Variants in ADGRV1 observed in about 807,000 individuals in gnomAD.
ADGRV1 encodes the protein adhesion G protein-coupled receptor V1, also known as G-protein coupled receptor 98.
A neutral mutation model predicts 596.2 loss-of-function variants in ADGRV1; 359 were observed. That is an observed-to-expected ratio of 0.60 (90% CI 0.55 to 0.66). The LOEUF (loss-of-function observed/expected upper bound fraction) is 0.66. Among genes scored for constraint, ADGRV1 ranks in the 30% least tolerant of loss-of-function variants. The pLI, the probability that ADGRV1 is intolerant of heterozygous loss-of-function variation, is 0.00. For missense variants in ADGRV1, 7,274 were observed against 7,575.6 expected (o/e 0.96, Z 1.48); for synonymous variants, 2,681 against 2,679.2 (o/e 1.00, Z -0.02).
intron 85 of ADGRV1, among the ~76,000 whole-genome samples, chr5:91,060,368 A>ATGTGTG (rs1481100763): frequency 2.6e-5 from 2 of 77,570 alleles, no homozygotes; most frequent in African/African-American, 8.7e-5. Flanking sequence ...GCAATTTTAT[A>ATGTGTG]TGTGTGTGTG....
chr5:90,689,332 C>CTTTTT (rs34756274), intron 29 of ADGRV1, among the ~76,000 whole-genome samples: 25 of 104,414 alleles, frequency 2.4e-4, no homozygotes, highest in African/African-American at 4.6e-4. Context: ...CCCCACCCAC[C>CTTTTT]TTTTTTTTTT....
At chr5:91,029,335 C>A (rs1014123821) in intron 85 of ADGRV1, among the ~76,000 whole-genome samples, 1 of 152,164 alleles carries the variant, frequency 6.6e-6, no homozygotes, top group Admixed American at 6.5e-5. Flanking sequence ...TAAACTATTA[C>A]TTTCATGTCA....
chr5:90,927,368 G>C (rs550337665), intron 83 of ADGRV1, among the ~76,000 whole-genome samples: 135 of 152,192 alleles, frequency 8.9e-4, no homozygotes, highest in Non-Finnish European at 1.3e-3. Context: ...TTGTTGAATT[G>C]ATCCCTTTAC....
intron 89 of ADGRV1, among the ~76,000 whole-genome samples, chr5:91,162,108 A>G (rs903913826): frequency 3.3e-5 from 5 of 152,236 alleles, no homozygotes; most frequent in Admixed American, 3.3e-4. Flanking sequence ...AGTGGAATAC[A>G]GAACAGACCA....
intron 66 of ADGRV1, 146 bp downstream of exon 66, chr5:90,783,471 G>A (rs183795701): frequency 3.1e-6 from 2 of 650,944 alleles, no homozygotes; most frequent in African/African-American, 3.6e-5. Flanking sequence ...GGTACTAGGG[G>A]TAGGGAAAGA....
chr5:91,067,766 T>C (rs1183666310), intron 85 of ADGRV1, among the ~76,000 whole-genome samples: 1 of 152,200 alleles, frequency 6.6e-6, no homozygotes. Flanking sequence ...TTCATCAGTA[T>C]CTGAATTTGT....
At chr5:90,978,410 A>G (rs1380489453) in intron 84 of ADGRV1, among the ~76,000 whole-genome samples, 1 of 152,168 alleles carries the variant, frequency 6.6e-6, no homozygotes, top group Admixed American at 6.6e-5. Context: ...TTGGGAGTTC[A>G]GCCAAATCGA....
chr5:91,108,448 T>C (rs1468248601), intron 87 of ADGRV1, among the ~76,000 whole-genome samples: 1 of 112,678 alleles, frequency 8.9e-6, no homozygotes, highest in Non-Finnish European at 1.8e-5. Context: ...ATTATTATGA[T>C]GTCATAGGTG....
chr5:90,963,079 A>G lies in ADGRV1; in HGVS notation c.17857-2336A>G, dbSNP rs78364310. ...ATAACAACCTACATAAGTTGATTAG[A>G]ACAAAACTACGAAGTAAACTTCAAC... On this transcript the variant is annotated intron_variant, in intron 83 of 89. Coordinates refer to ENST00000405460, the MANE Select transcript of ADGRV1 (RefSeq NM_032119.4). Among the ~76,000 whole-genome samples, 42 of 152,316 alleles carry G rather than the reference A, an allele frequency of 2.8e-4. No homozygotes were observed. In the East Asian group the frequency reaches 7.1e-3, roughly 26 times the overall value.
chr5:90,671,461 G>T (rs115646215), intron 21 of ADGRV1, among the ~76,000 whole-genome samples: 1 of 152,108 alleles, frequency 6.6e-6, no homozygotes, highest in East Asian at 1.9e-4. Context: ...TGGTGTACTC[G>T]ATCCTCTTTA....
chr5:90,970,528 C>T (rs1202923410), intron 84 of ADGRV1, among the ~76,000 whole-genome samples: 4 of 121,492 alleles, frequency 3.3e-5, no homozygotes, highest in Non-Finnish European at 6.5e-5. Context: ...ACAAAGCTTC[C>T]AGAGGAACGA....
chr5:90,562,991 CT>C (rs1444320204), intron 1 of ADGRV1, among the ~76,000 whole-genome samples: 2 of 152,134 alleles, frequency 1.3e-5, no homozygotes, highest in South Asian at 2.1e-4. Context: ...ATTTTTCATG[CT>C]TCACTTTATT....
chr5:91,126,771 T>G (rs962898892), intron 87 of ADGRV1, among the ~76,000 whole-genome samples: 2 of 152,226 alleles, frequency 1.3e-5, no homozygotes, highest in Admixed American at 1.3e-4. Flanking sequence ...AAACAGGATT[T>G]GTCTGTGAAA....
chr5:90,687,239 G>T (rs56816222), intron 29 of ADGRV1, among the ~76,000 whole-genome samples: 17,896 of 152,080 alleles, frequency 0.12, 1,366 homozygotes, highest in African/African-American at 0.2. Context: ...GTCAATTTTG[G>T]CTTTTGTTGC....
At chr5:90,845,359 G>A (rs941479306) in intron 78 of ADGRV1, among the ~76,000 whole-genome samples, 1 of 144,718 alleles carries the variant, frequency 6.9e-6, no homozygotes, top group Non-Finnish European at 1.5e-5. Flanking sequence ...TACTAACTGA[G>A]TATTATAGAA....
chr5:90,674,465 A>G, intron 23 of ADGRV1: 1 of 341,088 alleles, frequency 2.9e-6, no homozygotes, highest in Non-Finnish European at 5.2e-6. Context: ...TTTTTGCAGG[A>G]TTATTTAAAA....
At chr5:91,121,550 G>C (rs1192014256) in intron 87 of ADGRV1, among the ~76,000 whole-genome samples, 1 of 151,970 alleles carries the variant, frequency 6.6e-6, no homozygotes, top group African/African-American at 2.4e-5. Context: ...TGAGAGTCGG[G>C]CCAGAAGTCT....
chr5:91,046,595 G>T (rs7449334), intron 85 of ADGRV1, among the ~76,000 whole-genome samples: 1 of 152,148 alleles, frequency 6.6e-6, no homozygotes, highest in South Asian at 2.1e-4. Context: ...CCCCTTCTAC[G>T]CATTGGCTCA....
At chr5:90,930,233 T>C (rs1472096325) in intron 83 of ADGRV1, among the ~76,000 whole-genome samples, 1 of 152,204 alleles carries the variant, frequency 6.6e-6, no homozygotes, top group Admixed American at 6.5e-5. Flanking sequence ...TACTTTCTTA[T>C]TAGAAACATC....
Sources: gnomAD v4.1 joint callset for allele counts (sites outside exome capture counted in the v4.1 genomes callset) on GRCh38, gnomAD v4.1.1 for gene constraint, MANE v1.5 for transcripts, NCBI Gene and HGNC (gene_info 2026-07-23, HGNC 2026-07-21) for gene names.